Variants in MGMT observed in about 807,000 individuals in gnomAD.
The protein encoded by MGMT is methylated-DNA--protein-cysteine methyltransferase.
In MGMT, 14 loss-of-function variants were observed where a neutral mutation model predicts 15.9. The ratio of observed to expected loss-of-function variants is 0.88; its 90% CI spans 0.58 to 1.37. The LOEUF is 1.37. MGMT is among the 40% of genes most tolerant of loss of function. The pLI is 0.00. For synonymous variants in MGMT, 130 were observed against 118.2 expected (o/e 1.10, Z -0.65); for missense variants, 282 against 268.1 (o/e 1.05, Z -0.36).
intron 3 of MGMT, among the ~76,000 whole-genome samples, chr10:129,710,893 A>T (rs6482749): frequency 0.012 from 1,855 of 152,260 alleles, 33 homozygotes; most frequent in African/African-American, 0.041. Context: ...ATTTCTGTAT[A>T]TGTTTAACAT....
chr10:129,738,071 G>T (rs112221790), intron 3 of MGMT, among the ~76,000 whole-genome samples: 1,713 of 152,366 alleles, frequency 0.011, 28 homozygotes, highest in African/African-American at 0.037. Flanking sequence ...TTGAGCTGTG[G>T]TGGGCTCCAC....
intron 1 of MGMT, among the ~76,000 whole-genome samples, chr10:129,487,706 A>G (rs1845423134): frequency 6.6e-6 from 1 of 152,048 alleles, no homozygotes; most frequent in Non-Finnish European, 1.5e-5. Context: ...TCTGGATTCT[A>G]ATCCTTTGTC....
chr10:129,726,736 C>T (rs1046004777), intron 3 of MGMT, among the ~76,000 whole-genome samples: 1 of 152,210 alleles, frequency 6.6e-6, no homozygotes, highest in Non-Finnish European at 1.5e-5. Context: ...CTCACTCTTC[C>T]CCTACTCCAT....
chr10:129,497,737 T>C (rs1427357942), intron 1 of MGMT, among the ~76,000 whole-genome samples: 1 of 152,198 alleles, frequency 6.6e-6, no homozygotes, highest in Non-Finnish European at 1.5e-5. Flanking sequence ...GTGGGGCCTT[T>C]GGGCAATGAC....
intron 2 of MGMT, among the ~76,000 whole-genome samples, chr10:129,660,788 A>G (rs2133105341): frequency 6.6e-6 from 1 of 151,914 alleles, no homozygotes; most frequent in African/African-American, 2.4e-5. Context: ...ACACACACAC[A>G]CACACACACA....
intron 2 of MGMT, among the ~76,000 whole-genome samples, chr10:129,686,673 G>A (rs955522877): frequency 6.6e-6 from 1 of 152,184 alleles, no homozygotes; most frequent in African/African-American, 2.4e-5. Context: ...TGCCAGGGCT[G>A]TTTTTAAATG....
At chr10:129,683,049 A>G (rs1334592768) in intron 2 of MGMT, among the ~76,000 whole-genome samples, 2 of 152,230 alleles carry the variant, frequency 1.3e-5, no homozygotes, top group African/African-American at 2.4e-5. Flanking sequence ...GGGTTTCACC[A>G]TGTTGGCCAG....
chr10:129,720,697 C>T (rs915332294), intron 3 of MGMT, among the ~76,000 whole-genome samples: 7 of 152,180 alleles, frequency 4.6e-5, no homozygotes, highest in African/African-American at 1.7e-4. Context: ...AAACTGGGGC[C>T]GGAGAGCTTT....
intron 1 of MGMT, among the ~76,000 whole-genome samples, chr10:129,486,344 C>T (rs7917258): frequency 0.059 from 8,989 of 152,016 alleles, 886 homozygotes; most frequent in African/African-American, 0.21. Flanking sequence ...CCCATCACCA[C>T]GCCTGGCTAA....
chr10:129,713,373 G>A (rs1848255050), intron 3 of MGMT, among the ~76,000 whole-genome samples: 2 of 152,134 alleles, frequency 1.3e-5, no homozygotes, highest in African/African-American at 4.8e-5. Flanking sequence ...CAGCCTTAGG[G>A]CTGCTGTGCT....
chr10:129,746,889 T>A (rs1848701781), intron 3 of MGMT, among the ~76,000 whole-genome samples: 1 of 152,216 alleles, frequency 6.6e-6, no homozygotes, highest in Non-Finnish European at 1.5e-5. Context: ...TAGGGTTTTT[T>A]AATTGGAATG....
intron 2 of MGMT, among the ~76,000 whole-genome samples, chr10:129,656,438 C>T (rs368966601): frequency 2.0e-5 from 3 of 152,260 alleles, no homozygotes; most frequent in East Asian, 1.9e-4. Context: ...GAAGCAGCAT[C>T]GGCATGTCCT....
At chr10:129,723,896 G>C (rs1054076203) in intron 3 of MGMT, among the ~76,000 whole-genome samples, 1 of 152,286 alleles carries the variant, frequency 6.6e-6, no homozygotes, top group Non-Finnish European at 1.5e-5. Context: ...AGAGACTGCC[G>C]CAGCCTCGCC....
intron 3 of MGMT, among the ~76,000 whole-genome samples, chr10:129,734,999 T>C (rs1205570045): frequency 3.2e-4 from 49 of 152,174 alleles, no homozygotes; most frequent in Admixed American, 4.6e-4. Flanking sequence ...CAATGTTAAT[T>C]AAGGATATTG....
chr10:129,571,100 C>T (rs1846412124), intron 2 of MGMT, among the ~76,000 whole-genome samples: 1 of 152,098 alleles, frequency 6.6e-6, no homozygotes, highest in Admixed American at 6.5e-5. Context: ...GAGCACACAC[C>T]ACACAAAGTT....
intron 1 of MGMT, among the ~76,000 whole-genome samples, chr10:129,480,054 G>A (rs1325862915): frequency 6.6e-6 from 1 of 152,094 alleles, no homozygotes; most frequent in African/African-American, 2.4e-5. Flanking sequence ...AAACCAATTA[G>A]GGAGGAATGT....
intron 2 of MGMT, among the ~76,000 whole-genome samples, chr10:129,686,650 A>G: frequency 6.6e-6 from 1 of 152,148 alleles, no homozygotes; most frequent in Admixed American, 6.5e-5. Context: ...GACATGTGCC[A>G]CCGTGCCCGG....
chr10:129,586,860 A>G (rs540148588), intron 2 of MGMT, among the ~76,000 whole-genome samples: 7 of 152,306 alleles, frequency 4.6e-5, no homozygotes, highest in African/African-American at 1.7e-4. Context: ...TGGGAATGCA[A>G]TTCTTGCATA....
rs149457382 is a variant in MGMT, at chr10:129,533,605, C to T, written c.-12-2636C>T. On this transcript the variant is annotated intron_variant, in intron 1 of 4. Coordinates refer to ENST00000651593, the MANE Select transcript of MGMT (RefSeq NM_002412.5). The surrounding 1 kb of genome is among the most constrained non-coding windows in gnomAD (Gnocchi z 4.5). ...CACGTTGCCTCTAGAGCCCTGTTGT[C>T]TGACCAGTATCTTCTGTGAACATAC... Among the ~76,000 whole-genome samples the T allele has an allele frequency of 6.1e-3, 922 of 152,316 alleles. 10 individuals are homozygous for T. Among genetic ancestry groups the T allele is most frequent in the African/African-American group, 0.021 (871 of 41,562 alleles).
Sources: gnomAD v4.1 joint callset for allele counts (sites outside exome capture counted in the v4.1 genomes callset) on GRCh38, gnomAD v4.1.1 for gene constraint, Gnocchi (gnomAD v3.1) non-coding constraint, MANE v1.5 for transcripts, NCBI Gene and HGNC (gene_info 2026-07-23, HGNC 2026-07-21) for gene names.